ADAMTS19: variants seen among roughly 807,000 people sequenced by gnomAD.
ADAMTS19 encodes A disintegrin and metalloproteinase with thrombospondin motifs 19.
ADAMTS19 carries 93 observed loss-of-function variants against 153.3 expected under a neutral mutation model. That is an observed-to-expected ratio of 0.61 (90% CI 0.51 to 0.72). The LOEUF (loss-of-function observed/expected upper bound fraction) is 0.72. ADAMTS19 is among the 30% of genes least tolerant of loss of function. The pLI, the probability that ADAMTS19 is intolerant of heterozygous loss-of-function variation, is 0.00. For synonymous variants in ADAMTS19, 600 were observed against 556.6 expected, an observed-to-expected ratio of 1.08 and a Z score of -1.10; for missense variants, 1,482 against 1,552.1, an observed-to-expected ratio of 0.95 and a Z score of 0.76.
intron 8 of ADAMTS19, among the ~76,000 whole-genome samples, chr5:129,607,634 C>T (rs920169806): frequency 6.6e-6 from 1 of 151,974 alleles, no homozygotes; most frequent in African/African-American, 2.4e-5. Flanking sequence ...CCTTTTGGTA[C>T]GTGATATTTT....
At chr5:129,533,006 G>A (rs1752266280) in intron 6 of ADAMTS19, among the ~76,000 whole-genome samples, 1 of 152,172 alleles carries the variant, frequency 6.6e-6, no homozygotes, top group Non-Finnish European at 1.5e-5. Context: ...GGGAGGCTGA[G>A]GCAGGAGAAT....
In ADAMTS19 at chr5:129,554,095, C is replaced by T. The variant is rs192139898; in HGVS notation, c.1372+2188C>T. ...TATTAAAGGTAATCTAGAGATGATT[C>T]GAAGTATAGGAGAGGATGTGCATAG... is the stretch of plus-strand genomic sequence containing the variant. On this transcript the variant is annotated intron_variant, in intron 7 of 22. Coordinates refer to ENST00000274487, the MANE Select transcript of ADAMTS19 (RefSeq NM_133638.6). 3.2e-3 allele frequency among the ~76,000 whole-genome samples: 481 copies of T among 152,110 alleles called. 2 individuals are homozygous for T. Among genetic ancestry groups the T allele is most frequent in the South Asian group, 0.022 (104 of 4,818 alleles).
Position 129,737,478 on chromosome 5 carries a change from A to G in ADAMTS19, c.*260A>G, listed in dbSNP as rs1320732965. 1.3e-5 allele frequency: 3 copies of G among 237,308 alleles called. No homozygotes were observed. Among genetic ancestry groups the G allele is most frequent in the Non-Finnish European group, 2.4e-5 (3 of 124,996 alleles). 14.7% of individuals were successfully genotyped at this position (237,308 alleles called of 1,614,324 possible). ...AATATAATAAAAAGAAAAAGGAAAA[A>G]AATAGATCATTATACTTAAAACAAG... On this transcript the variant is annotated 3_prime_UTR_variant, in exon 23 of 23. Coordinates refer to ENST00000274487, the MANE Select transcript of ADAMTS19 (RefSeq NM_133638.6).
intron 14 of ADAMTS19, among the ~76,000 whole-genome samples, chr5:129,655,465 T>A (rs749115562): frequency 1.3e-5 from 2 of 152,214 alleles, no homozygotes; most frequent in Non-Finnish European, 2.9e-5. Context: ...ACTGCATCCA[T>A]GACAGCCTTT....
intron 9 of ADAMTS19, among the ~76,000 whole-genome samples, chr5:129,621,954 A>C (rs1751795457): frequency 6.6e-6 from 1 of 152,168 alleles, no homozygotes; most frequent in Admixed American, 6.6e-5. Flanking sequence ...AGATCAGCTG[A>C]GTTAATTCAT....
In ADAMTS19 at chr5:129,570,833, C is replaced by G. The variant is rs561704858; in HGVS notation, c.1372+18926C>G. 3.0e-4 allele frequency among the ~76,000 whole-genome samples: 46 copies of G among 151,928 alleles called. 1 individual carries two copies. In the South Asian group the frequency reaches 9.3e-3, roughly 31 times the overall value. On this transcript the variant is annotated intron_variant, in intron 7 of 22. Transcript: ENST00000274487. ...AGAAAATGCATGTTGACCATGTCAA[C>G]TGATGCAGAAAAAGCTTATGACAAA...
rs577634586 is a variant in ADAMTS19, at chr5:129,647,913, G to A, written c.2003+18G>A. ...TGTCCTGGGTAAACTCAAAGTTCCT[G>A]GTTGGGGGAGGGCACTTTTCAATTT... On this transcript the variant is annotated intron_variant, in intron 12 of 22. Coordinates refer to ENST00000274487, the MANE Select transcript of ADAMTS19 (RefSeq NM_133638.6). 4 of 1,600,184 alleles carry A rather than the reference G, an allele frequency of 2.5e-6. No individual in the cohort carries two copies. Among genetic ancestry groups the A allele is most frequent in the Non-Finnish European group, 2.6e-6 (3 of 1,170,642 alleles).
At chr5:129,635,832 C>G (rs1262626087) in intron 10 of ADAMTS19, among the ~76,000 whole-genome samples, 7 of 152,088 alleles carry the variant, frequency 4.6e-5, no homozygotes, top group Admixed American at 4.6e-4. Flanking sequence ...ACATCATACC[C>G]CCATGACACA....
intron 7 of ADAMTS19, among the ~76,000 whole-genome samples, chr5:129,554,208 A>G (rs1206461405): frequency 6.6e-6 from 1 of 152,166 alleles, no homozygotes; most frequent in Non-Finnish European, 1.5e-5. Context: ...CAAAGGGATA[A>G]CTGTATATTT....
At position 129,460,382 on chromosome 5, in the gene ADAMTS19, G is replaced by T. The variant is rs549516037; in HGVS notation, c.-10G>T. Reference sequence around the variant, plus strand: ...CGCCGGGCGAGAAGCCGCGGCCGCGGGAGCGCAGTATGGGGAAGAACCGCG... The same window carrying T: ...CGCCGGGCGAGAAGCCGCGGCCGCGTGAGCGCAGTATGGGGAAGAACCGCG... On this transcript the variant is annotated 5_prime_UTR_variant, in exon 1 of 23. Coordinates refer to ENST00000274487, the MANE Select transcript of ADAMTS19 (RefSeq NM_133638.6). 4 of 1,612,414 alleles carry T rather than the reference G, an allele frequency of 2.5e-6. 1 individual carries two copies. The highest frequency in any genetic ancestry group is 2.2e-5 in the South Asian group (2 of 91,068).
At chr5:129,673,826 A>G (rs921926169) in intron 16 of ADAMTS19, among the ~76,000 whole-genome samples, 12 of 152,216 alleles carry the variant, frequency 7.9e-5, no homozygotes, top group African/African-American at 1.9e-4. Flanking sequence ...AACAAATGTT[A>G]TGTCATTTTA....
rs1237137836 is a variant in ADAMTS19 at position 129,461,897 on chromosome 5, C to CTA, written c.747+141_747+142dup. On this transcript the variant is annotated intron_variant, in intron 2 of 22. Transcript: ENST00000274487. This position sits in a 1 kb window ranked among gnomAD's most constrained non-coding sequence, Gnocchi z 4.6. The stretch of plus-strand genomic sequence containing the variant: ...GGCCCTAGACTGCACCCCCAGGTGT[C>CTA]TACATCGTTTGCCTCCCATGGAACA... 2.2e-5 allele frequency: 28 copies of CTA among 1,262,690 alleles called. No individual in the cohort carries two copies. Among genetic ancestry groups the CTA allele is most frequent in the Non-Finnish European group, 2.7e-5 (26 of 979,238 alleles). 78.2% of individuals were successfully genotyped at this position (1,262,690 alleles called of 1,614,324 possible).
chr5:129,731,590 A>G (rs60831714), intron 21 of ADAMTS19, among the ~76,000 whole-genome samples: 8,612 of 152,158 alleles, frequency 0.057, 807 homozygotes, highest in African/African-American at 0.2. Flanking sequence ...AAAACAAATC[A>G]TACAATAGTA....
chr5:129,470,904 CAT>C (rs1285319900), intron 2 of ADAMTS19, among the ~76,000 whole-genome samples: 1 of 151,712 alleles, frequency 6.6e-6, no homozygotes, highest in East Asian at 1.9e-4. Context: ...AAAGGATAAA[CAT>C]AAGGATATTT....
At chr5:129,712,779 A>G (rs1756540769) in intron 21 of ADAMTS19, among the ~76,000 whole-genome samples, 1 of 152,186 alleles carries the variant, frequency 6.6e-6, no homozygotes, top group South Asian at 2.1e-4. Context: ...GCTGTTATAT[A>G]TGCTACCCTA....
chr5:129,622,741 T>C (rs1277867615), intron 10 of ADAMTS19, among the ~76,000 whole-genome samples: 2 of 152,152 alleles, frequency 1.3e-5, no homozygotes, highest in African/African-American at 4.8e-5. Flanking sequence ...TAAAGTCCCT[T>C]ATGAAAAATA....
chr5:129,467,827 GTACT>G (rs914254370), intron 2 of ADAMTS19, among the ~76,000 whole-genome samples: 1 of 152,226 alleles, frequency 6.6e-6, no homozygotes. Flanking sequence ...TCCCCGGTTA[GTACT>G]TAGTTTTCCA....
intron 15 of ADAMTS19, among the ~76,000 whole-genome samples, chr5:129,659,277 T>C (rs1753724519): frequency 6.6e-6 from 1 of 152,184 alleles, no homozygotes; most frequent in Non-Finnish European, 1.5e-5. Context: ...TCATCCTCCC[T>C]TGTTTTCTCA....
chr5:129,462,485 A>G (rs1283395530), intron 2 of ADAMTS19, among the ~76,000 whole-genome samples: 1 of 152,162 alleles, frequency 6.6e-6, no homozygotes, highest in Non-Finnish European at 1.5e-5. Flanking sequence ...CCTTGTTAAA[A>G]GGCCTGTTGG....
Sources: allele counts gnomAD v4.1 joint callset (sites outside exome capture counted in the v4.1 genomes callset), GRCh38; gene constraint gnomAD v4.1.1; non-coding constraint Gnocchi (gnomAD v3.1); transcripts MANE v1.5; gene names NCBI Gene and HGNC (gene_info 2026-07-23, HGNC 2026-07-21).